COL23A1: variants seen among roughly 807,000 people sequenced by gnomAD.
COL23A1 encodes the protein collagen type XXIII alpha 1 chain.
Under a neutral mutation model 99.3 loss-of-function variants are expected in COL23A1, and 97 were observed. The observed-to-expected ratio is 0.98, with a 90% CI of 0.83 to 1.16. The LOEUF is 1.16. Among genes scored for constraint, COL23A1 ranks in the 50% most tolerant of loss-of-function variants. The pLI, the probability that COL23A1 is intolerant of heterozygous loss-of-function variation, is 0.00. For synonymous variants in COL23A1, 320 were observed against 308.2 expected, an observed-to-expected ratio of 1.04 and a Z score of -0.40; for missense variants, 762 against 757.4, an observed-to-expected ratio of 1.01 and a Z score of -0.07.
At chr5:178,302,582 G>A (rs1417135252) in intron 3 of COL23A1, among the ~76,000 whole-genome samples, 1 of 152,254 alleles carries the variant, frequency 6.6e-6, no homozygotes, top group East Asian at 1.9e-4. Context: ...CCAGAGGTGA[G>A]AGACTGGGGC....
intron 3 of COL23A1, among the ~76,000 whole-genome samples, chr5:178,296,011 C>A (rs1214471412): frequency 6.6e-6 from 1 of 152,218 alleles, no homozygotes; most frequent in Non-Finnish European, 1.5e-5. Context: ...TGACCTCTCA[C>A]CCTGGGCTCT....
rs1756581434 is a variant in COL23A1 at position 178,468,880 on chromosome 5, G to A, written c.361+91802C>T. On this transcript the variant is annotated intron_variant, in intron 2 of 28. Transcript: ENST00000390654. The surrounding 1 kb of genome is among the most constrained non-coding windows in gnomAD (Gnocchi z 4.2). ...CTCCAGGACGTTTTCATCTTCCCCT[G>A]CTGAAACTCTGCACCCATTAAACAC... is the stretch of plus-strand genomic sequence containing the variant. Among the ~76,000 whole-genome samples the A allele has an allele frequency of 1.3e-5, 2 of 152,052 alleles. No homozygotes were observed. The highest frequency in any genetic ancestry group is 4.1e-4 in the South Asian group (2 of 4,820).
At chr5:178,265,334 T>C (rs1042363629) in intron 8 of COL23A1, among the ~76,000 whole-genome samples, 4 of 152,180 alleles carry the variant, frequency 2.6e-5, no homozygotes, top group African/African-American at 9.7e-5. Flanking sequence ...TCACCAGGTA[T>C]GGGTGGTGAT....
intron 3 of COL23A1, among the ~76,000 whole-genome samples, chr5:178,298,125 A>G (rs1316879855): frequency 6.6e-6 from 1 of 152,166 alleles, no homozygotes; most frequent in African/African-American, 2.4e-5. Flanking sequence ...TGCTGTCAGG[A>G]ATGTGGGAGC....
intron 2 of COL23A1, among the ~76,000 whole-genome samples, chr5:178,364,280 C>G (rs1269713702): frequency 6.6e-6 from 1 of 150,862 alleles, no homozygotes; most frequent in Admixed American, 6.6e-5. Context: ...GCCTGGCCCC[C>G]GCCCCTTACA....
At chr5:178,578,127 A>G (rs1305966538) in intron 1 of COL23A1, among the ~76,000 whole-genome samples, 1 of 147,698 alleles carries the variant, frequency 6.8e-6, no homozygotes, top group African/African-American at 2.5e-5. Context: ...TCATGCACAC[A>G]CACACATGCA....
chr5:178,464,949 C>T (rs1452362583), intron 2 of COL23A1, among the ~76,000 whole-genome samples: 1 of 152,190 alleles, frequency 6.6e-6, no homozygotes, highest in African/African-American at 2.4e-5. Flanking sequence ...TTCCAGAATG[C>T]CACTGCTGCC....
chr5:178,273,093 C>T (rs553203616), intron 5 of COL23A1, among the ~76,000 whole-genome samples: 1 of 152,216 alleles, frequency 6.6e-6, no homozygotes, highest in Non-Finnish European at 1.5e-5. Flanking sequence ...CTCTCTCCTG[C>T]TCTAGGCCTC....
At chr5:178,385,816 G>C (rs1055672002) in intron 2 of COL23A1, among the ~76,000 whole-genome samples, 1 of 152,190 alleles carries the variant, frequency 6.6e-6, no homozygotes, top group Admixed American at 6.5e-5. Flanking sequence ...AATAAAACCA[G>C]GACCTCTGGG....
At chr5:178,254,315 G>A (rs1054765528) in intron 16 of COL23A1, among the ~76,000 whole-genome samples, 2 of 152,198 alleles carry the variant, frequency 1.3e-5, no homozygotes, top group Admixed American at 6.5e-5. Flanking sequence ...CATGCCTGGG[G>A]GTGGGTGCCA....
chr5:178,301,974 G>A (rs1291013930), intron 3 of COL23A1, among the ~76,000 whole-genome samples: 10 of 26,068 alleles, frequency 3.8e-4, no homozygotes, highest in Non-Finnish European at 1.1e-3. Flanking sequence ...GTGTGCGCCG[G>A]AGCACAGCCT....
intron 2 of COL23A1, among the ~76,000 whole-genome samples, chr5:178,479,773 G>A (rs1757231593): frequency 6.6e-6 from 1 of 152,212 alleles, no homozygotes; most frequent in South Asian, 2.1e-4. Context: ...TGAAATATAA[G>A]GCGTCCGAAT....
rs201802684 is a variant in COL23A1 at position 178,242,361 on chromosome 5, G to T, written c.1474C>A (p.Arg492=). ...FPGPRGEKGD[R]SERGEKGERG... ...CTCACCTTCTCTCCACGCTCGCTCCGATCACCTTTCTCTCCTCGGGGTCCA... is the reference window on the plus strand; with the variant it reads ...CTCACCTTCTCTCCACGCTCGCTCCTATCACCTTTCTCTCCTCGGGGTCCA... Residue 492 remains arginine (R), a synonymous_variant, in exon 26 of 29, where the codon CGG becomes AGG. Coordinates refer to ENST00000390654, the MANE Select transcript of COL23A1 (RefSeq NM_173465.4). 4 of 1,613,880 alleles carry T rather than the reference G, an allele frequency of 2.5e-6. No homozygotes were observed. The highest frequency in any genetic ancestry group is 3.3e-5 in the Admixed American group (2 of 59,986).
chr5:178,345,925 C>T (rs1260706161), intron 2 of COL23A1, among the ~76,000 whole-genome samples: 3 of 152,082 alleles, frequency 2.0e-5, no homozygotes, highest in African/African-American at 7.2e-5. Flanking sequence ...GAGGACACTG[C>T]AAGTTCACAC....
At chr5:178,254,602 A>T (rs1322373246) in intron 16 of COL23A1, among the ~76,000 whole-genome samples, 1 of 152,156 alleles carries the variant, frequency 6.6e-6, no homozygotes, top group Non-Finnish European at 1.5e-5. Flanking sequence ...CATCATTAGG[A>T]GACCTAGCCC....
At chr5:178,539,756 G>A (rs1761189856) in intron 2 of COL23A1, among the ~76,000 whole-genome samples, 1 of 151,996 alleles carries the variant, frequency 6.6e-6, no homozygotes, top group African/African-American at 2.4e-5. Context: ...TAGAAATGGG[G>A]TAACATTTCC....
chr5:178,585,662 A>AATGCCCT (rs1763935734), intron 1 of COL23A1, among the ~76,000 whole-genome samples: 1 of 152,128 alleles, frequency 6.6e-6, no homozygotes, highest in Non-Finnish European at 1.5e-5. Context: ...GCGCTGGGGT[A>AATGCCCT]ACACTCCACA....
chr5:178,505,672 C>T (rs1167107610), intron 2 of COL23A1, among the ~76,000 whole-genome samples: 6 of 152,072 alleles, frequency 3.9e-5, no homozygotes, highest in African/African-American at 4.8e-5. Context: ...TTGCAGGTAC[C>T]AGAAGTTAGG....
chr5:178,397,781 G>C (rs936675708), intron 2 of COL23A1, among the ~76,000 whole-genome samples: 1 of 152,204 alleles, frequency 6.6e-6, no homozygotes. Context: ...GAGGTCAAGA[G>C]ATTGAGACCA....
Sources: gnomAD v4.1 joint callset for allele counts (sites outside exome capture counted in the v4.1 genomes callset) on GRCh38, gnomAD v4.1.1 for gene constraint, Gnocchi (gnomAD v3.1) non-coding constraint, MANE v1.5 for transcripts, NCBI Gene and HGNC (gene_info 2026-07-23, HGNC 2026-07-21) for gene names.